PALD1: variants seen among roughly 807,000 people sequenced by gnomAD.
PALD1 encodes the protein paladin.
A neutral mutation model predicts 96.0 loss-of-function variants in PALD1; 57 were observed. That is an observed-to-expected ratio of 0.59 (90% CI 0.48 to 0.74). The LOEUF (loss-of-function observed/expected upper bound fraction) is 0.74. PALD1 is among the 30% of genes least tolerant of loss of function. The pLI is 0.00. For missense variants in PALD1, 1,063 were observed against 1,143.7 expected, an observed-to-expected ratio of 0.93 and a Z score of 1.02; for synonymous variants, 464 against 473.6, an observed-to-expected ratio of 0.98 and a Z score of 0.26.
At chr10:70,529,374 AC>A (rs1458953906) in intron 3 of PALD1, 43 bp downstream of exon 3, 2 of 882,112 alleles carry the variant, frequency 2.3e-6, no homozygotes, top group African/African-American at 3.2e-5. Flanking sequence ...GCTGCCTCCC[AC>A]CCCTATCTCT....
upstream of PALD1, among the ~76,000 whole-genome samples, chr10:70,476,128 C>T (rs1324602250): frequency 2.6e-5 from 4 of 152,156 alleles, no homozygotes; most frequent in Non-Finnish European, 4.4e-5. Context: ...CGACCTCTCT[C>T]CTTCCTGAGA....
rs575555327 is a variant in PALD1 at position 70,539,120 on chromosome 10, C to T, written c.1598C>T (p.Thr533Met). ...CTGGGGAGCATCCTGGCCTACCTGA[C>T]GGACGCCAAGAGGAGGCTGCGGAAG... Reference protein sequence around the residue: ...KALGSILAYLTDAKRRLRKVV... With the variant: ...KALGSILAYLMDAKRRLRKVV... The change falls in exon 14 of 20, where the codon ACG becomes ATG. Residue 533 changes from threonine (T) to methionine (M), a missense_variant. By Grantham distance (81) the Thr-to-Met change is moderately conservative (BLOSUM62 -1). Transcript: ENST00000263563. The surrounding 1 kb of genome is among the most constrained non-coding windows in gnomAD (Gnocchi z 4.5). The T allele has an allele frequency of 4.0e-5, 64 of 1,613,894 alleles. 1 individual carries two copies. The highest frequency in any genetic ancestry group is 1.9e-4 in the South Asian group (17 of 91,058).
intron 1 of PALD1, among the ~76,000 whole-genome samples, chr10:70,479,392 G>C (rs976693717): frequency 1.3e-5 from 2 of 152,168 alleles, no homozygotes; most frequent in Non-Finnish European, 2.9e-5. Context: ...CGCGAAGTTA[G>C]GGGGAGATTG....
intron 1 of PALD1, among the ~76,000 whole-genome samples, chr10:70,502,840 T>C (rs1256063132): frequency 6.6e-6 from 1 of 152,194 alleles, no homozygotes; most frequent in Non-Finnish European, 1.5e-5. Flanking sequence ...GGACACTGCA[T>C]GGTTTTCATT....
At chr10:70,516,323 A>G (rs1366948600) in intron 1 of PALD1, among the ~76,000 whole-genome samples, 1 of 152,034 alleles carries the variant, frequency 6.6e-6, no homozygotes, top group Non-Finnish European at 1.5e-5. Context: ...TAAAAAAGGC[A>G]CAGTTTTTCC....
the PALD1 span, among the ~76,000 whole-genome samples, chr10:70,465,883 C>T: frequency 1.3e-5 from 2 of 152,166 alleles, no homozygotes; most frequent in Non-Finnish European, 2.9e-5. Flanking sequence ...CCCCTGAGGC[C>T]CCAGTTTCGT....
chr10:70,554,933 C>T (rs1847566746), intron 18 of PALD1, among the ~76,000 whole-genome samples: 2 of 7,636 alleles, frequency 2.6e-4, no homozygotes, highest in African/African-American at 8.8e-4. Flanking sequence ...TCCCCCTCCT[C>T]CCCCTCCCCT....
At chr10:70,532,022 G>A (rs1847004045) in intron 5 of PALD1, among the ~76,000 whole-genome samples, 1 of 151,796 alleles carries the variant, frequency 6.6e-6, no homozygotes, top group Non-Finnish European at 1.5e-5. Flanking sequence ...GGTTCTAGGT[G>A]AGTGAAAAGA....
chr10:70,553,137 C>T (rs960317794), intron 18 of PALD1, among the ~76,000 whole-genome samples: 8 of 152,148 alleles, frequency 5.3e-5, no homozygotes, highest in African/African-American at 1.9e-4. Flanking sequence ...CAGTGTGCAT[C>T]GCCAGCTTGC....
At chr10:70,535,631 C>T (rs571677854) in intron 10 of PALD1, among the ~76,000 whole-genome samples, 30 of 145,276 alleles carry the variant, frequency 2.1e-4, no homozygotes, top group African/African-American at 7.3e-4. Flanking sequence ...TCCTTCTTCT[C>T]GTCTTCCTCC....
intron 11 of PALD1, 91 bp from the exon 12 acceptor site, chr10:70,538,188 CT>C: frequency 7.2e-7 from 1 of 1,393,766 alleles, no homozygotes; most frequent in South Asian, 1.2e-5. Flanking sequence ...TGTTGGATAT[CT>C]TTTGGGGCTT....
At chr10:70,492,906 T>G (rs1345559097) in intron 1 of PALD1, among the ~76,000 whole-genome samples, 3 of 152,246 alleles carry the variant, frequency 2.0e-5, no homozygotes, top group African/African-American at 7.2e-5. Context: ...CAGGTATTCA[T>G]GGAGTCTGGA....
chr10:70,549,498 C>T (rs942040408), intron 18 of PALD1, among the ~76,000 whole-genome samples: 1 of 152,232 alleles, frequency 6.6e-6, no homozygotes, highest in African/African-American at 2.4e-5. Context: ...GAGCAGGGAG[C>T]GTGACAGGGC....
intron 1 of PALD1, among the ~76,000 whole-genome samples, chr10:70,516,272 A>G (rs1316512162): frequency 6.6e-6 from 1 of 152,142 alleles, no homozygotes; most frequent in African/African-American, 2.4e-5. Context: ...CTGGGACTAC[A>G]GGCGTGCAAC....
At chr10:70,526,375 G>A (rs535058435) in intron 2 of PALD1, among the ~76,000 whole-genome samples, 1 of 148,082 alleles carries the variant, frequency 6.8e-6, no homozygotes, top group East Asian at 2.0e-4. Context: ...TCCACAGTGT[G>A]GGGGAATGCG....
At chr10:70,484,850 T>C (rs1388707237) in intron 1 of PALD1, among the ~76,000 whole-genome samples, 2 of 152,220 alleles carry the variant, frequency 1.3e-5, no homozygotes, top group Admixed American at 1.3e-4. Context: ...CAACTGCCCA[T>C]TCTTTTAAAG....
chr10:70,481,315 C>A (rs1845927724), intron 1 of PALD1, among the ~76,000 whole-genome samples: 2 of 152,196 alleles, frequency 1.3e-5, no homozygotes, highest in African/African-American at 2.4e-5. Flanking sequence ...GCCTGGTTAT[C>A]ACTGTTTCCC....
intron 18 of PALD1, among the ~76,000 whole-genome samples, chr10:70,561,024 G>A (rs1179163332): frequency 6.6e-6 from 1 of 152,160 alleles, no homozygotes. Context: ...AGCAAGATGT[G>A]CCCTCGGAAC....
At position 70,539,064 on chromosome 10, in the gene PALD1, C is replaced by G. The variant is rs773210640; in HGVS notation, c.1570-28C>G. 1 of 1,613,574 alleles carries G rather than the reference C, an allele frequency of 6.2e-7. No individual in the cohort carries two copies. The highest frequency in any genetic ancestry group is 1.7e-5 in the Admixed American group (1 of 59,994). On this transcript the variant is annotated intron_variant, in intron 13 of 19. Coordinates refer to ENST00000263563, the MANE Select transcript of PALD1 (RefSeq NM_014431.3). This position sits in a 1 kb window ranked among gnomAD's most constrained non-coding sequence, Gnocchi z 4.5. ...GTGGGTTTGGGGAGGGAGGGCTGAG[C>G]ACTCACTGCCGGCCCTCCTGTGCCC... is the stretch of plus-strand genomic sequence containing the variant.
Sources: allele counts gnomAD v4.1 joint callset (sites outside exome capture counted in the v4.1 genomes callset), GRCh38; gene constraint gnomAD v4.1.1; non-coding constraint Gnocchi (gnomAD v3.1); transcripts MANE v1.5; gene names NCBI Gene and HGNC (gene_info 2026-07-23, HGNC 2026-07-21).